The following KAZN variants were observed in gnomAD, a reference collection of about 807,000 sequenced individuals.
The protein encoded by KAZN is kazrin, periplakin interacting protein.
A neutral mutation model predicts 87.4 loss-of-function variants in KAZN; 40 were observed. That is an observed-to-expected ratio of 0.46 (90% CI 0.36 to 0.60). KAZN has a LOEUF of 0.60. Ranked by LOEUF, KAZN falls within the 20% of genes least tolerant of loss-of-function variation. The pLI, the probability that KAZN is intolerant of heterozygous loss-of-function variation, is 0.00. For missense variants in KAZN, 898 were observed against 1,073.9 expected (o/e 0.84, Z 2.29); for synonymous variants, 466 against 458.3 (o/e 1.02, Z -0.22).
intron 2 of KAZN, among the ~76,000 whole-genome samples, chr1:14,182,514 G>A (rs755565175): frequency 1.3e-5 from 2 of 152,068 alleles, no homozygotes; most frequent in African/African-American, 2.4e-5. Flanking sequence ...ATGATCCTCC[G>A]TTCCTTGCTG....
Position 14,599,919 on chromosome 1 carries a change from C to G in KAZN, c.226+696C>G, listed in dbSNP as rs970011021. 6.6e-6 allele frequency among the ~76,000 whole-genome samples: 1 copy of G among 151,620 alleles called. No individual in the cohort carries two copies. The highest frequency in any genetic ancestry group is 2.4e-5 in the African/African-American group (1 of 41,228). ...CTTAGGGTGGTGGGCTGCAGGGAGCCCGTTTGAAGGGACTCTGCGGTTTAG... is the reference window on the plus strand; with the variant it reads ...CTTAGGGTGGTGGGCTGCAGGGAGCGCGTTTGAAGGGACTCTGCGGTTTAG... On this transcript the variant is annotated intron_variant, in intron 1 of 14. Coordinates refer to ENST00000376030, the MANE Select transcript of KAZN (RefSeq NM_201628.3). This position sits in a 1 kb window ranked among gnomAD's most constrained non-coding sequence, Gnocchi z 4.4.
chr1:14,229,634 T>C (rs1302128790), intron 2 of KAZN, among the ~76,000 whole-genome samples: 2 of 152,252 alleles, frequency 1.3e-5, no homozygotes, highest in East Asian at 3.8e-4. Flanking sequence ...CTTATTCATA[T>C]AAGGGCCCTC....
At chr1:14,640,360 C>T (rs1188690128) in intron 1 of KAZN, among the ~76,000 whole-genome samples, 3 of 152,162 alleles carry the variant, frequency 2.0e-5, no homozygotes, top group Admixed American at 6.5e-5. Flanking sequence ...GAATTTTCAT[C>T]ACTCCATATA....
chr1:14,668,037 C>T (rs1317044797), intron 1 of KAZN, among the ~76,000 whole-genome samples: 3 of 151,984 alleles, frequency 2.0e-5, no homozygotes, highest in Non-Finnish European at 4.4e-5. Context: ...GGAAGATTAC[C>T]AGGGAAAAAA....
chr1:14,208,166 A>G (rs937832572), intron 2 of KAZN, among the ~76,000 whole-genome samples: 3 of 152,238 alleles, frequency 2.0e-5, no homozygotes, highest in African/African-American at 7.2e-5. Context: ...TGTATTCATA[A>G]TGATACTTCT....
chr1:14,764,372 AC>A (rs1557465552), intron 1 of KAZN, among the ~76,000 whole-genome samples: 4 of 81,190 alleles, frequency 4.9e-5, no homozygotes, highest in South Asian at 4.2e-4. Flanking sequence ...ACCACTCCCG[AC>A]CCCCTCCCCC....
At chr1:14,070,416 T>C (rs938684714) in intron 1 of KAZN, among the ~76,000 whole-genome samples, 3 of 152,052 alleles carry the variant, frequency 2.0e-5, no homozygotes, top group African/African-American at 7.2e-5. Context: ...CAGAAAGATA[T>C]CAGAAATTCA....
At chr1:14,888,571 T>C (rs1014639295) in intron 1 of KAZN, among the ~76,000 whole-genome samples, 1 of 151,780 alleles carries the variant, frequency 6.6e-6, no homozygotes, top group Non-Finnish European at 1.5e-5. Flanking sequence ...TATTAATTAA[T>C]TCACGCAAAT....
At chr1:14,815,962 C>T (rs1310938382) in intron 1 of KAZN, among the ~76,000 whole-genome samples, 1 of 152,174 alleles carries the variant, frequency 6.6e-6, no homozygotes, top group Non-Finnish European at 1.5e-5. Flanking sequence ...CCTGGAGCAC[C>T]TGCCCTTCTG....
intron 1 of KAZN, among the ~76,000 whole-genome samples, chr1:14,666,120 G>A (rs139204123): frequency 7.5e-4 from 114 of 151,928 alleles, no homozygotes; most frequent in African/African-American, 2.4e-3. Flanking sequence ...AGGGTCTGCC[G>A]AAAGAATAGA....
chr1:14,894,152 C>G (rs1655014067), intron 1 of KAZN, among the ~76,000 whole-genome samples: 1 of 152,034 alleles, frequency 6.6e-6, no homozygotes, highest in Admixed American at 6.5e-5. Context: ...ACGCCCATCT[C>G]CCCTGCCCAG....
intron 2 of KAZN, chr1:14,350,956 A>G (rs1161693173): frequency 6.6e-6 from 1 of 152,304 alleles, no homozygotes; most frequent in Non-Finnish European, 1.5e-5. Context: ...CCTTTCAGGC[A>G]GGGGTGTGTG....
At chr1:15,054,085 A>C (rs1430071432) in intron 4 of KAZN, among the ~76,000 whole-genome samples, 2 of 151,824 alleles carry the variant, frequency 1.3e-5, no homozygotes, top group Admixed American at 1.3e-4. Context: ...TAGGCCAAGG[A>C]CTGTCTGTTT....
At chr1:14,112,254 ACT>A (rs1644516677) in intron 1 of KAZN, among the ~76,000 whole-genome samples, 1 of 132,514 alleles carries the variant, frequency 7.5e-6, no homozygotes, top group Non-Finnish European at 1.6e-5. Context: ...TGTCTTCCTG[ACT>A]CTCTCTGCTA....
chr1:14,238,377 A>T (rs570545663), intron 2 of KAZN, among the ~76,000 whole-genome samples: 25 of 152,178 alleles, frequency 1.6e-4, no homozygotes, highest in Non-Finnish European at 3.4e-4. Flanking sequence ...TCCTCTCCAG[A>T]TGGGAGTGAC....
At chr1:15,109,923 G>T (rs1490350496) in intron 13 of KAZN, among the ~76,000 whole-genome samples, 5 of 142,018 alleles carry the variant, frequency 3.5e-5, no homozygotes, top group African/African-American at 1.4e-4. Context: ...GTTTGTGTAT[G>T]GGTGTGTGTG....
intron 8 of KAZN, among the ~76,000 whole-genome samples, chr1:15,092,385 A>G (rs973595382): frequency 1.3e-5 from 2 of 151,876 alleles, no homozygotes; most frequent in African/African-American, 2.4e-5. Flanking sequence ...AGTCAGAGTT[A>G]TATTTAAATA....
At chr1:14,280,981 C>G (rs1652801050) in intron 2 of KAZN, among the ~76,000 whole-genome samples, 1 of 152,216 alleles carries the variant, frequency 6.6e-6, no homozygotes, top group Non-Finnish European at 1.5e-5. Flanking sequence ...TCAAACCCAG[C>G]AAGTCTACAG....
intron 1 of KAZN, among the ~76,000 whole-genome samples, chr1:14,089,201 ATAGT>A (rs1303783370): frequency 6.6e-6 from 1 of 151,982 alleles, no homozygotes; most frequent in African/African-American, 2.4e-5. Flanking sequence ...GTTTTTTAAA[ATAGT>A]TAGAATGTAG....
Sources: allele counts gnomAD v4.1 joint callset (sites outside exome capture counted in the v4.1 genomes callset), GRCh38; gene constraint gnomAD v4.1.1; non-coding constraint Gnocchi (gnomAD v3.1); transcripts MANE v1.5; gene names NCBI Gene and HGNC (gene_info 2026-07-23, HGNC 2026-07-21).